Variants in SPOCK1 observed in about 807,000 individuals in gnomAD.
The protein encoded by SPOCK1 is testican-1.
SPOCK1 carries 23 observed loss-of-function variants against 55.3 expected under a neutral mutation model. The ratio of observed to expected loss-of-function variants is 0.42; its 90% confidence interval spans 0.30 to 0.59. The LOEUF is 0.59. Ranked by LOEUF, SPOCK1 falls within the 20% of genes least tolerant of loss-of-function variation. The pLI is 0.22. For missense variants in SPOCK1, 499 were observed against 552.5 expected (o/e 0.90, Z 0.97); for synonymous variants, 226 against 221.0 (o/e 1.02, Z -0.20).
chr5:137,212,045 T>C (rs1331923827), intron 3 of SPOCK1, among the ~76,000 whole-genome samples: 2 of 152,184 alleles, frequency 1.3e-5, no homozygotes, highest in African/African-American at 2.4e-5. Flanking sequence ...CCCCAATTTA[T>C]AGCCAATCAG....
At chr5:137,404,742 G>A (rs1752059736) in intron 2 of SPOCK1, among the ~76,000 whole-genome samples, 1 of 151,958 alleles carries the variant, frequency 6.6e-6, no homozygotes, top group South Asian at 2.1e-4. Context: ...AATATCGTTG[G>A]TACAGGCCAA....
intron 3 of SPOCK1, among the ~76,000 whole-genome samples, chr5:137,259,385 AAGAAC>A (rs1473944530): frequency 1.3e-5 from 2 of 152,152 alleles, no homozygotes; most frequent in African/African-American, 4.8e-5. Flanking sequence ...AAACTAACAC[AAGAAC>A]AGAAAACCAA....
chr5:137,206,348 C>A (rs1324674778), intron 3 of SPOCK1, among the ~76,000 whole-genome samples: 7 of 152,240 alleles, frequency 4.6e-5, no homozygotes, highest in Non-Finnish European at 1.0e-4. Flanking sequence ...CCTAGGCCAC[C>A]CACGCTGGGT....
chr5:137,252,831 A>C (rs1187066117), intron 3 of SPOCK1, among the ~76,000 whole-genome samples: 1 of 152,236 alleles, frequency 6.6e-6, no homozygotes, highest in African/African-American at 2.4e-5. Context: ...CCCTAAGAGC[A>C]TGCCCTTTGG....
intron 2 of SPOCK1, among the ~76,000 whole-genome samples, chr5:137,467,225 T>C (rs1440169867): frequency 2.0e-5 from 3 of 152,344 alleles, no homozygotes; most frequent in South Asian, 4.1e-4. Flanking sequence ...TGACATCCTA[T>C]AATTTTGCAA....
chr5:137,333,393 G>T (rs1446513451), intron 2 of SPOCK1, among the ~76,000 whole-genome samples: 1 of 152,102 alleles, frequency 6.6e-6, no homozygotes, highest in Admixed American at 6.6e-5. Context: ...GAGGAGGAGG[G>T]AGCCAAGTCA....
intron 2 of SPOCK1, among the ~76,000 whole-genome samples, chr5:137,358,483 G>GGGAGGGGAGA (rs1750870141): frequency 7.3e-6 from 1 of 136,168 alleles, no homozygotes; most frequent in Non-Finnish European, 1.6e-5. Context: ...GGGAGGGGAG[G>GGGAGGGGAGA]ATGGAAGGAG....
intron 2 of SPOCK1, among the ~76,000 whole-genome samples, chr5:137,448,293 G>A (rs945578579): frequency 1.3e-5 from 2 of 152,140 alleles, no homozygotes; most frequent in African/African-American, 4.8e-5. Flanking sequence ...CCCACTCGCT[G>A]TTATCTCAGT....
At chr5:137,212,225 T>C (rs1466396178) in intron 3 of SPOCK1, among the ~76,000 whole-genome samples, 1 of 151,980 alleles carries the variant, frequency 6.6e-6, no homozygotes, top group East Asian at 1.9e-4. Flanking sequence ...GAATCAGGTG[T>C]TGGTGGGGAG....
chr5:137,253,237 T>C (rs185520664), intron 3 of SPOCK1, among the ~76,000 whole-genome samples: 18 of 152,356 alleles, frequency 1.2e-4, no homozygotes, highest in Admixed American at 5.2e-4. Context: ...TCTAAATTCA[T>C]GAAACTGAAG....
chr5:137,143,751 A>G (rs1442170072), intron 3 of SPOCK1, among the ~76,000 whole-genome samples: 1 of 152,212 alleles, frequency 6.6e-6, no homozygotes, highest in Admixed American at 6.5e-5. Context: ...TGCTTTTGAC[A>G]TACAGGCAGT....
chr5:137,216,975 G>C (rs1344825824), intron 3 of SPOCK1, among the ~76,000 whole-genome samples: 2 of 152,132 alleles, frequency 1.3e-5, no homozygotes, highest in Non-Finnish European at 2.9e-5. Flanking sequence ...ACAAGGAGAG[G>C]AGCCCAGAGG....
chr5:137,176,888 G>A (rs182485954), intron 3 of SPOCK1, among the ~76,000 whole-genome samples: 8 of 152,252 alleles, frequency 5.3e-5, no homozygotes, highest in Admixed American at 4.6e-4. Flanking sequence ...ATTTGTGGTG[G>A]TGGAGGTCTG....
chr5:137,380,474 G>A (rs1056620390), intron 2 of SPOCK1, among the ~76,000 whole-genome samples: 9 of 152,196 alleles, frequency 5.9e-5, no homozygotes, highest in Non-Finnish European at 8.8e-5. Flanking sequence ...CTGCTATGAA[G>A]AATTACCTGA....
chr5:137,259,651 A>G (rs1383048679), intron 3 of SPOCK1, among the ~76,000 whole-genome samples: 1 of 151,504 alleles, frequency 6.6e-6, no homozygotes, highest in Non-Finnish European at 1.5e-5. Flanking sequence ...TAATAAAAAA[A>G]CACTGAAAAC....
chr5:137,010,094 G>A (rs1751323411), intron 6 of SPOCK1, among the ~76,000 whole-genome samples: 1 of 152,046 alleles, frequency 6.6e-6, no homozygotes, highest in Non-Finnish European at 1.5e-5. Context: ...TATTCATGCA[G>A]TTCTACTTTT....
chr5:137,043,516 C>A (rs998618126), intron 6 of SPOCK1, among the ~76,000 whole-genome samples: 1 of 152,066 alleles, frequency 6.6e-6, no homozygotes, highest in East Asian at 1.9e-4. Context: ...AGTAGAGAAG[C>A]CTGACAAACA....
intron 5 of SPOCK1, among the ~76,000 whole-genome samples, chr5:137,111,025 T>C (rs1168535980): frequency 6.6e-6 from 1 of 152,138 alleles, no homozygotes; most frequent in Admixed American, 6.5e-5. Flanking sequence ...AAAACTCAAC[T>C]ATTAGTGGAC....
Position 137,155,632 on chromosome 5 carries a change from G to A in SPOCK1, c.233-14938C>T, listed in dbSNP as rs181254190. On this transcript the variant is annotated intron_variant, in intron 3 of 10. Transcript: ENST00000394945. ...GAGATTTTTGGCACCAGATCCCACTGGCTGGGACTAAAACAGCCATCAGGC... is the reference window on the plus strand; with the variant it reads ...GAGATTTTTGGCACCAGATCCCACTAGCTGGGACTAAAACAGCCATCAGGC... Among the ~76,000 whole-genome samples the A allele has an allele frequency of 2.0e-3, 311 of 152,342 alleles. 1 individual carries two copies. Among genetic ancestry groups the A allele is most frequent in the African/African-American group, 7.1e-3 (297 of 41,586 alleles).
Sources: allele counts gnomAD v4.1 joint callset (sites outside exome capture counted in the v4.1 genomes callset), GRCh38; gene constraint gnomAD v4.1.1; transcripts MANE v1.5; gene names NCBI Gene and HGNC (gene_info 2026-07-23, HGNC 2026-07-21).